Variants in TEK observed in about 807,000 individuals in gnomAD.
The protein encoded by TEK is TEK receptor tyrosine kinase, also known as angiopoietin-1 receptor.
In TEK, 43 loss-of-function variants were observed where a neutral mutation model predicts 131.8. That is an observed-to-expected ratio of 0.33 (90% CI 0.26 to 0.42). The LOEUF (loss-of-function observed/expected upper bound fraction) is 0.42. Among genes scored for constraint, TEK ranks in the 10% least tolerant of loss-of-function variants. The pLI is 1.00. For missense variants in TEK, 1,162 were observed against 1,384.4 expected, an observed-to-expected ratio of 0.84 and a Z score of 2.55; for synonymous variants, 580 against 491.6, an observed-to-expected ratio of 1.18 and a Z score of -2.38.
At position 27,213,371 on chromosome 9, in the gene TEK, T is replaced by C. The variant is rs79482302; in HGVS notation, c.2878-113T>C. 3,415 of 766,542 alleles carry C rather than the reference T, an allele frequency of 4.5e-3. 95 individuals are homozygous for C. In the African/African-American group the frequency reaches 0.052, roughly 12 times the overall value. 47.5% of individuals were successfully genotyped at this position (766,542 alleles called of 1,614,324 possible). A position where few individuals can be genotyped will look rare whatever the true frequency, so the allele number is the denominator to read the frequency against. ...GAGGGGAACTTTAAGGGAACTGGAT[T>C]GTGACTGTTTAAAATCCTTTTTTAT... On this transcript the variant is annotated intron_variant, in intron 17 of 22. Transcript: ENST00000380036.
At chr9:27,160,411 C>A (rs1434919231) in intron 2 of TEK, among the ~76,000 whole-genome samples, 2 of 152,128 alleles carry the variant, frequency 1.3e-5, no homozygotes, top group Non-Finnish European at 2.9e-5. Flanking sequence ...CTGTAGTCTG[C>A]ATTTTTTTTA....
intron 18 of TEK, among the ~76,000 whole-genome samples, chr9:27,217,084 G>A (rs982515827): frequency 5.3e-5 from 8 of 152,290 alleles, no homozygotes; most frequent in South Asian, 2.1e-4. Context: ...ACCAGGCATC[G>A]AAAGGATCAG....
intron 1 of TEK, among the ~76,000 whole-genome samples, chr9:27,153,775 A>T (rs1823220027): frequency 6.6e-6 from 1 of 152,242 alleles, no homozygotes. Context: ...TGTCTCTATT[A>T]GAAAATGTCT....
intron 12 of TEK, among the ~76,000 whole-genome samples, chr9:27,199,065 G>C (rs7027553): frequency 4.6e-5 from 7 of 152,060 alleles, no homozygotes; most frequent in African/African-American, 1.7e-4. Flanking sequence ...CTCCCAAAGT[G>C]CTGGAATTAC....
intron 21 of TEK, among the ~76,000 whole-genome samples, chr9:27,227,658 TTCATGAGGGTTCTACCC>T (rs1479301912): frequency 6.6e-6 from 1 of 152,118 alleles, no homozygotes; most frequent in Admixed American, 6.6e-5. Context: ...ACGAATCCCA[TTCATGAGGGTTCTACCC>T]TCATGACCTG....
intron 21 of TEK, among the ~76,000 whole-genome samples, chr9:27,227,935 A>G (rs1826404060): frequency 6.6e-6 from 1 of 152,176 alleles, no homozygotes; most frequent in Admixed American, 6.5e-5. Context: ...ATGCTGCTCT[A>G]GACACATACC....
chr9:27,188,444 G>T (rs1042497126), intron 9 of TEK, among the ~76,000 whole-genome samples: 3 of 152,216 alleles, frequency 2.0e-5, no homozygotes, highest in Admixed American at 6.5e-5. Context: ...CCTTGTAGAA[G>T]TATCACAGAC....
chr9:27,109,599 T>G lies in TEK; in HGVS notation c.9T>G (p.Ser3=), dbSNP rs757205618. 1.9e-6 allele frequency: 3 copies of G among 1,614,094 alleles called. No individual in the cohort carries two copies. In the African/African-American group the frequency reaches 4.0e-5, roughly 22 times the overall value. Residue 3 remains serine, a synonymous_variant, in exon 1 of 23, where the codon TCT becomes TCG. Coordinates refer to ENST00000380036, the MANE Select transcript of TEK (RefSeq NM_000459.5). ...GAGAGATTTGGGGAAGCATGGACTC[T>G]TTAGCCAGCTTAGTTCTCTGTGGAG... The part of the protein sequence containing the change: MD[S]LASLVLCGVS...
At chr9:27,184,112 A>T (rs1473191828) in intron 8 of TEK, among the ~76,000 whole-genome samples, 1 of 152,136 alleles carries the variant, frequency 6.6e-6, no homozygotes, top group African/African-American at 2.4e-5. Context: ...AGAAGAGGAG[A>T]GTTCCCCAGT....
intron 11 of TEK, chr9:27,195,659 T>TC: frequency 6.6e-6 from 3 of 455,954 alleles, no homozygotes; most frequent in Non-Finnish European, 8.8e-6. Flanking sequence ...ACACACTATT[T>TC]CCTCCTTTGT....
At chr9:27,155,021 G>T (rs1488688056) in intron 1 of TEK, among the ~76,000 whole-genome samples, 2 of 152,234 alleles carry the variant, frequency 1.3e-5, no homozygotes, top group African/African-American at 4.8e-5. Context: ...ACCGCTGGGA[G>T]CTCAGAGCAG....
At chr9:27,157,209 G>A (rs1030267570) in intron 1 of TEK, among the ~76,000 whole-genome samples, 1 of 152,138 alleles carries the variant, frequency 6.6e-6, no homozygotes, top group African/African-American at 2.4e-5. Flanking sequence ...CACTGAGTAT[G>A]CAATATATAA....
chr9:27,190,630 A>G lies in TEK; in HGVS notation c.1429A>G (p.Lys477Glu), dbSNP rs1330823411. The change falls in exon 10 of 23, where the codon AAA (lysine) becomes GAA (glutamate). Residue 477 changes from lysine to glutamate, a missense_variant. Around this residue, in one of 6 missense-constraint regions of TEK, gnomAD observed 477 missense variants for 471.0 expected, o/e 1.01. Coordinates refer to ENST00000380036, the MANE Select transcript of TEK (RefSeq NM_000459.5). Reference protein sequence around the residue: ...SEPYFGDGPIKSKKLLYKPVN... With the variant: ...SEPYFGDGPIESKKLLYKPVN... ...GCCTTACTTTGGGGATGGACCAATC[A>G]AATCCAAGAAGCTTCTATACAAACC... 1 of 1,614,058 alleles carries G rather than the reference A, an allele frequency of 6.2e-7. No homozygotes were observed. Among genetic ancestry groups the G allele is most frequent in the Admixed American group, 1.7e-5 (1 of 59,996 alleles).
At chr9:27,181,471 T>G (rs1824371017) in intron 7 of TEK, among the ~76,000 whole-genome samples, 1 of 152,218 alleles carries the variant, frequency 6.6e-6, no homozygotes. Flanking sequence ...TTCTTGACAT[T>G]TTATATGCTG....
In TEK at chr9:27,211,267, CTTTA is replaced by C. The variant is rs1203398075; in HGVS notation, c.2687-1437_2687-1434del. Among the ~76,000 whole-genome samples, 6 of 110,492 alleles carry C rather than the reference CTTTA, an allele frequency of 5.4e-5. No individual in the cohort carries two copies. In the East Asian group the frequency reaches 1.3e-3, roughly 24 times the overall value. 72.5% of individuals were successfully genotyped at this position (110,492 alleles called of 152,430 possible). A position where few individuals can be genotyped will look rare whatever the true frequency, so the allele number is the denominator to read the frequency against. On this transcript the variant is annotated intron_variant, in intron 16 of 22. Transcript: ENST00000380036. ...TGTATTTAAGGTAAATTACCTTTATCTTTATTAATAAATACATATTTAAATTATT... is the reference window on the plus strand; with the variant it reads ...TGTATTTAAGGTAAATTACCTTTATCTTAATAAATACATATTTAAATTATT...
rs757720414 is a variant in TEK, at chr9:27,212,906, G to A, written c.2877+9G>A. ...ACTTGAGCCAAAAACAGGTTTGTCCGGAGGACTTCGCTTTGGATATCTTTC... is the reference window on the plus strand; with the variant it reads ...ACTTGAGCCAAAAACAGGTTTGTCCAGAGGACTTCGCTTTGGATATCTTTC... On this transcript the variant is annotated intron_variant, in intron 17 of 22. Transcript: ENST00000380036. 2.3e-5 allele frequency: 37 copies of A among 1,612,960 alleles called. No individual in the cohort carries two copies. The highest frequency in any genetic ancestry group is 1.5e-4 in the South Asian group (14 of 90,948).
Position 27,124,531 on chromosome 9 carries a change from G to C in TEK, c.52+14889G>C, listed in dbSNP as rs578022171. Among the ~76,000 whole-genome samples, 125 of 152,382 alleles carry C rather than the reference G, an allele frequency of 8.2e-4. 1 individual carries two copies. Among genetic ancestry groups the C allele is most frequent in the Non-Finnish European group, 1.0e-3 (71 of 68,042 alleles). On this transcript the variant is annotated intron_variant, in intron 1 of 22. Transcript: ENST00000380036. ...ACTAGCATGTTGTCACACCCAAAGT[G>C]ATGTGCCCAAAGTCAAGGGACGGGA...
intron 8 of TEK, 26 bp from the exon 9 acceptor site, chr9:27,185,459 T>A (rs766615171): frequency 1.2e-6 from 2 of 1,613,368 alleles, no homozygotes; most frequent in East Asian, 2.2e-5. Flanking sequence ...TAGAAGTTTT[T>A]ATTTTTTTGT....
At position 27,205,006 on chromosome 9, in the gene TEK, A is replaced by G. The variant is rs145334606; in HGVS notation, c.2305A>G (p.Ile769Val). Residue 769 changes from isoleucine to valine, a missense_variant, in exon 14 of 23, where the codon ATA becomes GTA. Transcript: ENST00000380036. The stretch of plus-strand genomic sequence containing the variant: ...GACTGTGCTGTTGGCCTTTCTGATC[A>G]TATTGCAATTGAAGAGGGCAAATGT... ...CLTVLLAFLI[I>V]LQLKRANVQR... 1.6e-5 allele frequency: 26 copies of G among 1,614,034 alleles called. No homozygotes were observed. In the African/African-American group the frequency reaches 3.5e-4, roughly 22 times the overall value.
Sources: allele counts gnomAD v4.1 joint callset (sites outside exome capture counted in the v4.1 genomes callset), GRCh38; gene constraint gnomAD v4.1.1; regional missense constraint gnomAD v4.1.1; transcripts MANE v1.5; gene names NCBI Gene and HGNC (gene_info 2026-07-23, HGNC 2026-07-21).